The following PKHD1 variants were observed in gnomAD, a reference collection of about 807,000 sequenced individuals.
PKHD1 encodes the protein fibrocystin.
Under a neutral mutation model 412.0 loss-of-function variants are expected in PKHD1, and 291 were observed. The ratio of observed to expected loss-of-function variants is 0.71; its 90% confidence interval spans 0.64 to 0.78. The LOEUF (loss-of-function observed/expected upper bound fraction) is 0.78, where lower values mean the gene tolerates loss of function less well. Among genes scored for constraint, PKHD1 ranks in the 30% least tolerant of loss-of-function variants. PKHD1 has a pLI of 0.00. For synonymous variants in PKHD1, 1,777 were observed against 1,821.5 expected (o/e 0.98, Z 0.62); for missense variants, 4,825 against 4,950.7 (o/e 0.97, Z 0.76).
intron 35 of PKHD1, among the ~76,000 whole-genome samples, chr6:51,981,306 TCAAG>T (rs1461391620): frequency 1.3e-4 from 4 of 31,830 alleles, no homozygotes; most frequent in African/African-American, 2.5e-4. Context: ...GCTCCAAAGC[TCAAG>T]CTCTCCCTCT....
rs70977310 is a variant in PKHD1, at chr6:51,690,271, C to CAAAAA, written c.10157-30307_10157-30303dup. 6.4e-4 allele frequency among the ~76,000 whole-genome samples: 70 copies of CAAAAA among 109,902 alleles called. 1 individual carries two copies. Among genetic ancestry groups the CAAAAA allele is most frequent in the Non-Finnish European group, 9.2e-4 (50 of 54,398 alleles). 72.1% of individuals were successfully genotyped at this position (109,902 alleles called of 152,430 possible). On this transcript the variant is annotated intron_variant, in intron 60 of 66. Transcript: ENST00000371117. ...TGGGTGACAGAGTGAGACTCCATCT[C>CAAAAA]AAAAAAAAAAAAAAAAAAAAAAAAA...
At chr6:51,965,406 A>C (rs1307867583) in intron 35 of PKHD1, among the ~76,000 whole-genome samples, 2 of 152,110 alleles carry the variant, frequency 1.3e-5, no homozygotes, top group Non-Finnish European at 2.9e-5. Flanking sequence ...GCTGATTATA[A>C]AACAAAAGAT....
chr6:51,778,034 T>C (rs1230014149), intron 53 of PKHD1, among the ~76,000 whole-genome samples: 1 of 152,092 alleles, frequency 6.6e-6, no homozygotes, highest in Non-Finnish European at 1.5e-5. Context: ...ATACATGCTA[T>C]TGCAACATAA....
At chr6:51,811,549 G>A (rs1409536) in intron 52 of PKHD1, among the ~76,000 whole-genome samples, 118,633 of 152,074 alleles carry the variant, frequency 0.78, 46,543 homozygotes, top group East Asian at 0.97. Flanking sequence ...GAACATCTTA[G>A]CATGGCATAT....
chr6:52,030,552 A>C (rs1195208506), intron 29 of PKHD1, among the ~76,000 whole-genome samples: 1 of 152,170 alleles, frequency 6.6e-6, no homozygotes, highest in Non-Finnish European at 1.5e-5. Flanking sequence ...GTAGCAAAAA[A>C]CAAGCATTAT....
intron 60 of PKHD1, among the ~76,000 whole-genome samples, chr6:51,660,955 C>A (rs544051918): frequency 6.6e-6 from 1 of 152,232 alleles, no homozygotes; most frequent in South Asian, 2.1e-4. Flanking sequence ...GCTTGATGTT[C>A]CAACCCTCTA....
In PKHD1 at chr6:52,048,502, T is replaced by C; in HGVS notation, c.2397A>G (p.Thr799=). The change falls in exon 23 of 67, where the codon ACA becomes ACG. Residue 799 remains threonine (T), a synonymous_variant. Transcript: ENST00000371117. ...GGHFRIQLPN[T]VISDVPVQIS... is the part of the protein sequence containing the mutation. ...CAATCACCCCTTTACCAGAAATCACTGTATTAGGAAGCTGGATGCGAAAGT... is the reference window on the plus strand; with the variant it reads ...CAATCACCCCTTTACCAGAAATCACCGTATTAGGAAGCTGGATGCGAAAGT... 1 of 1,614,066 alleles carries C rather than the reference T, an allele frequency of 6.2e-7. No homozygotes were observed. The highest frequency in any genetic ancestry group is 1.1e-5 in the South Asian group (1 of 91,080).
At chr6:52,030,361 G>C (rs1802857532) in intron 29 of PKHD1, among the ~76,000 whole-genome samples, 1 of 152,254 alleles carries the variant, frequency 6.6e-6, no homozygotes, top group African/African-American at 2.4e-5. Flanking sequence ...GATATCCTGG[G>C]AAAGTATCTG....
chr6:51,905,406 T>G (rs1293420313), intron 41 of PKHD1, among the ~76,000 whole-genome samples: 2 of 152,106 alleles, frequency 1.3e-5, no homozygotes, highest in Non-Finnish European at 1.5e-5. Flanking sequence ...GATTGGCGCT[T>G]AAAGAGCTTA....
At chr6:51,782,055 GATTA>G (rs111441081) in intron 53 of PKHD1, among the ~76,000 whole-genome samples, 239 of 141,212 alleles carry the variant, frequency 1.7e-3, no homozygotes, top group African/African-American at 5.5e-3. Context: ...AAATTTATAT[GATTA>G]ATTATTTTAA....
chr6:51,658,886 C>T lies in PKHD1; in HGVS notation c.11174+66G>A, dbSNP rs1349480282. The T allele has an allele frequency of 1.0e-5, 10 of 982,838 alleles. No homozygotes were observed. In the African/African-American group the frequency reaches 1.3e-4, roughly 13 times the overall value. 60.9% of individuals were successfully genotyped at this position (982,838 alleles called of 1,614,324 possible). On this transcript the variant is annotated intron_variant, in intron 61 of 66. Transcript: ENST00000371117. ...TTCAGTGTAAGTAGATTGACATTTG[C>T]AACATATGTCAATATGGACCTAAAA...
chr6:51,734,946 G>T (rs1004446919), intron 60 of PKHD1, among the ~76,000 whole-genome samples: 2 of 152,120 alleles, frequency 1.3e-5, no homozygotes, highest in Admixed American at 1.3e-4. Flanking sequence ...GGTATCTGTA[G>T]GGGTCCTAGA....
chr6:51,718,762 A>G (rs907362420), intron 60 of PKHD1, among the ~76,000 whole-genome samples: 2 of 152,228 alleles, frequency 1.3e-5, no homozygotes, highest in East Asian at 1.9e-4. Context: ...AATCAAATAA[A>G]AAAGCATGGA....
chr6:52,065,174 G>GAGAGAGAGAGAGAGAGAGAGAGAC (rs1809452978), intron 12 of PKHD1, 124 bp from the exon 13 acceptor site: 1 of 137,562 alleles, frequency 7.3e-6, no homozygotes, highest in African/African-American at 3.1e-5. Flanking sequence ...TATATAGAGA[G>GAGAGAGAGAGAGAGAGAGAGAGAC]AGAGAGAGAG....
rs140733601 is a variant in PKHD1, at chr6:51,734,909, T to C, written c.10156+9476A>G. 3.6e-3 allele frequency among the ~76,000 whole-genome samples: 545 copies of C among 152,330 alleles called. 3 individuals carry two copies. Among genetic ancestry groups the C allele is most frequent in the African/African-American group, 0.012 (519 of 41,570 alleles). ...AGATGCAAACACTACACCTTTTTAATATAAGACTTGAGCATCTGTGGATTT... is the reference window on the plus strand; with the variant it reads ...AGATGCAAACACTACACCTTTTTAACATAAGACTTGAGCATCTGTGGATTT... On this transcript the variant is annotated intron_variant, in intron 60 of 66. Transcript: ENST00000371117.
At chr6:51,998,388 GA>G (rs1797956520) in intron 35 of PKHD1, among the ~76,000 whole-genome samples, 1 of 152,188 alleles carries the variant, frequency 6.6e-6, no homozygotes, top group African/African-American at 2.4e-5. Context: ...GTCACAGAGG[GA>G]ATAACTGCAA....
At chr6:52,018,870 T>A in intron 33 of PKHD1, among the ~76,000 whole-genome samples, 1 of 152,232 alleles carries the variant, frequency 6.6e-6, no homozygotes, top group East Asian at 1.9e-4. Flanking sequence ...TTCTGTGAAA[T>A]TCCTGTTTCT....
intron 21 of PKHD1, among the ~76,000 whole-genome samples, chr6:52,052,667 C>T (rs1035426773): frequency 6.6e-6 from 1 of 152,056 alleles, no homozygotes; most frequent in Non-Finnish European, 1.5e-5. Flanking sequence ...ATAATAATAA[C>T]AATAATTGCT....
chr6:51,970,572 T>G (rs913417543), intron 35 of PKHD1, among the ~76,000 whole-genome samples: 15 of 152,354 alleles, frequency 9.8e-5, no homozygotes, highest in African/African-American at 2.4e-4. Context: ...TCTAGGACTT[T>G]TATACTGTCG....
Sources: allele counts gnomAD v4.1 joint callset (sites outside exome capture counted in the v4.1 genomes callset), GRCh38; gene constraint gnomAD v4.1.1; transcripts MANE v1.5; gene names NCBI Gene and HGNC (gene_info 2026-07-23, HGNC 2026-07-21).